The following FAM171A1 variants were observed in gnomAD, a reference collection of about 807,000 sequenced individuals.
FAM171A1 encodes the protein protein FAM171A1.
A neutral mutation model predicts 74.9 loss-of-function variants in FAM171A1; 23 were observed. That is an observed-to-expected ratio of 0.31 (90% CI 0.22 to 0.44). The LOEUF (loss-of-function observed/expected upper bound fraction) is 0.44. FAM171A1 is among the 20% of genes least tolerant of loss of function. FAM171A1 has a pLI of 1.00. For missense variants in FAM171A1, 1,162 were observed against 1,159.2 expected (o/e 1.00, Z -0.03); for synonymous variants, 527 against 505.7 (o/e 1.04, Z -0.57).
intron 5 of FAM171A1, among the ~76,000 whole-genome samples, chr10:15,245,106 T>C (rs962071638): frequency 6.6e-6 from 1 of 152,020 alleles, no homozygotes; most frequent in Non-Finnish European, 1.5e-5. Context: ...CACTCTGTCA[T>C]CCAAGCTGGA....
At chr10:15,339,765 C>T (rs898863623) in intron 1 of FAM171A1, among the ~76,000 whole-genome samples, 7 of 152,062 alleles carry the variant, frequency 4.6e-5, no homozygotes, top group African/African-American at 1.2e-4. Flanking sequence ...TCTGCCTTCA[C>T]GCTGCTGATA....
intron 1 of FAM171A1, among the ~76,000 whole-genome samples, chr10:15,310,722 C>T (rs193004868): frequency 5.7e-4 from 87 of 151,954 alleles, no homozygotes; most frequent in Non-Finnish European, 1.1e-3. Context: ...ATTAGCCAGG[C>T]GTGGTGGCGC....
intron 5 of FAM171A1, 28 bp downstream of exon 5, chr10:15,248,611 C>G (rs749881476): frequency 1.3e-6 from 2 of 1,563,368 alleles, no homozygotes; most frequent in African/African-American, 2.7e-5. Context: ...ATCTGGTAGC[C>G]GATTGTCGGC....
At chr10:15,369,232 A>T (rs553072537) in intron 1 of FAM171A1, among the ~76,000 whole-genome samples, 1,505 of 150,454 alleles carry the variant, frequency 0.01, 7 homozygotes, top group Non-Finnish European at 0.015. Flanking sequence ...ATATATATAT[A>T]TTGAAGACAT....
chr10:15,319,846 T>G (rs543562205), intron 1 of FAM171A1, among the ~76,000 whole-genome samples: 1 of 152,226 alleles, frequency 6.6e-6, no homozygotes, highest in African/African-American at 2.4e-5. Context: ...AGAACCCATA[T>G]AAAAGGTTTT....
At chr10:15,288,867 G>C (rs1835071089) in intron 1 of FAM171A1, among the ~76,000 whole-genome samples, 4 of 118,546 alleles carry the variant, frequency 3.4e-5, no homozygotes. Context: ...TTGTTGCCCA[G>C]GCTGGAGTGC....
intron 3 of FAM171A1, among the ~76,000 whole-genome samples, chr10:15,257,985 A>G (rs1834602788): frequency 6.6e-6 from 1 of 152,132 alleles, no homozygotes; most frequent in Non-Finnish European, 1.5e-5. Context: ...CCCATCCCCA[A>G]AATACTCAGA....
intron 5 of FAM171A1, among the ~76,000 whole-genome samples, chr10:15,230,990 C>T: frequency 6.6e-6 from 1 of 152,142 alleles, no homozygotes; most frequent in Admixed American, 6.5e-5. Flanking sequence ...TTGTGGGTGG[C>T]ACAGCCATTA....
chr10:15,272,555 A>G (rs1429316208), intron 3 of FAM171A1, among the ~76,000 whole-genome samples: 1 of 152,198 alleles, frequency 6.6e-6, no homozygotes, highest in Non-Finnish European at 1.5e-5. Context: ...ATAGACATCT[A>G]GAGAACTCTC....
At chr10:15,283,345 C>T (rs1834993997) in intron 2 of FAM171A1, among the ~76,000 whole-genome samples, 1 of 152,200 alleles carries the variant, frequency 6.6e-6, no homozygotes, top group Admixed American at 6.5e-5. Flanking sequence ...GTCCATTCTC[C>T]AAGACCTGCT....
At chr10:15,320,867 A>C (rs1835478849) in intron 1 of FAM171A1, among the ~76,000 whole-genome samples, 1 of 152,254 alleles carries the variant, frequency 6.6e-6, no homozygotes, top group African/African-American at 2.4e-5. Flanking sequence ...GAAAGACTGA[A>C]AAATTATCAA....
At chr10:15,237,037 T>G (rs748867389) in intron 5 of FAM171A1, among the ~76,000 whole-genome samples, 5 of 152,084 alleles carry the variant, frequency 3.3e-5, no homozygotes, top group Non-Finnish European at 5.9e-5. Flanking sequence ...AGTGAGACTC[T>G]GACTTGAAAA....
intron 1 of FAM171A1, among the ~76,000 whole-genome samples, chr10:15,344,853 C>T (rs770531850): frequency 2.0e-5 from 3 of 152,150 alleles, no homozygotes; most frequent in Non-Finnish European, 4.4e-5. Context: ...CAACAAAATG[C>T]TTTGATATTC....
chr10:15,216,007 T>C lies in FAM171A1; in HGVS notation c.975A>G (p.Leu325=). Residue 325 remains leucine, a synonymous_variant, in exon 7 of 8, where the codon TTA becomes TTG. Transcript: ENST00000378116. The part of the protein sequence containing the change: ...FILLVLLCLL[L]YYCRRKCLKP... ...TGGTAACACTTTACCTGCAATAATA[T>C]AAAAGGAGACACAGCAAAACCAAAA... 1 of 1,600,698 alleles carries C rather than the reference T, an allele frequency of 6.2e-7. No homozygotes were observed. The highest frequency in any genetic ancestry group is 8.5e-7 in the Non-Finnish European group (1 of 1,176,030).
intron 6 of FAM171A1, among the ~76,000 whole-genome samples, chr10:15,218,639 C>T (rs761478451): frequency 7.9e-5 from 12 of 151,724 alleles, no homozygotes; most frequent in African/African-American, 9.7e-5. Context: ...CTGTCACCTA[C>T]GCTGGAGTGC....
At chr10:15,351,255 C>A (rs188001649) in intron 1 of FAM171A1, among the ~76,000 whole-genome samples, 1 of 152,266 alleles carries the variant, frequency 6.6e-6, no homozygotes, top group Non-Finnish European at 1.5e-5. Flanking sequence ...AACTGGGTGG[C>A]CCCGGACTGA....
At chr10:15,285,864 G>A (rs571562312) in intron 1 of FAM171A1, among the ~76,000 whole-genome samples, 8 of 152,322 alleles carry the variant, frequency 5.3e-5, no homozygotes, top group South Asian at 2.1e-4. Flanking sequence ...AGAGCAGCCT[G>A]ACAGCGAGGA....
At chr10:15,294,989 C>T (rs1051563671) in intron 1 of FAM171A1, among the ~76,000 whole-genome samples, 1 of 152,234 alleles carries the variant, frequency 6.6e-6, no homozygotes, top group Non-Finnish European at 1.5e-5. Flanking sequence ...GATCTCGGCT[C>T]ACTGCAACCT....
At chr10:15,353,627 T>A (rs1353048931) in intron 1 of FAM171A1, among the ~76,000 whole-genome samples, 1 of 152,184 alleles carries the variant, frequency 6.6e-6, no homozygotes, top group African/African-American at 2.4e-5. Context: ...AAGGGCTATT[T>A]ACACCACTAA....
Sources: allele counts gnomAD v4.1 joint callset (sites outside exome capture counted in the v4.1 genomes callset), GRCh38; gene constraint gnomAD v4.1.1; transcripts MANE v1.5; gene names NCBI Gene and HGNC (gene_info 2026-07-23, HGNC 2026-07-21).